EFEMP1: variants seen among roughly 807,000 people sequenced by gnomAD.
The protein encoded by EFEMP1 is EGF-containing fibulin-like extracellular matrix protein 1.
A neutral mutation model predicts 65.7 loss-of-function variants in EFEMP1; 18 were observed. The ratio of observed to expected loss-of-function variants is 0.27; its 90% CI spans 0.19 to 0.41. The LOEUF (loss-of-function observed/expected upper bound fraction) is 0.41. Ranked by LOEUF, EFEMP1 falls within the 10% of genes least tolerant of loss-of-function variation. The pLI, the probability that EFEMP1 is intolerant of heterozygous loss-of-function variation, is 1.00. For missense variants in EFEMP1, 469 were observed against 624.8 expected (o/e 0.75, Z 2.66); for synonymous variants, 237 against 219.7 (o/e 1.08, Z -0.70).
chr2:55,912,797 T>G (rs1670526843), intron 5 of EFEMP1, among the ~76,000 whole-genome samples: 1 of 152,150 alleles, frequency 6.6e-6, no homozygotes, highest in African/African-American at 2.4e-5. Context: ...TTTAGCAAAC[T>G]GAAAAATTTA....
chr2:55,884,870 T>G (rs1260640970), intron 5 of EFEMP1, among the ~76,000 whole-genome samples: 1 of 152,198 alleles, frequency 6.6e-6, no homozygotes, highest in East Asian at 1.9e-4. Context: ...TTCCCCCCTG[T>G]ATTCCCAGTG....
At chr2:55,912,868 A>T (rs895951916) in intron 5 of EFEMP1, among the ~76,000 whole-genome samples, 2 of 152,118 alleles carry the variant, frequency 1.3e-5, no homozygotes, top group African/African-American at 4.8e-5. Context: ...TGGGAATGTG[A>T]AAAGATTGCT....
At chr2:55,869,933 C>G (rs1475214240) in intron 11 of EFEMP1, among the ~76,000 whole-genome samples, 2 of 151,970 alleles carry the variant, frequency 1.3e-5, no homozygotes, top group Non-Finnish European at 2.9e-5. Context: ...TCAGGGAGAC[C>G]AGCTCAGAAG....
At position 55,875,016 on chromosome 2, in the gene EFEMP1, G is replaced by C. The variant is rs1163108498; in HGVS notation, c.930C>G (p.Val310=). ...TACATGAGAATTTCCCAGGTTCATT[G>C]ACACATTGATATTGACACAGGTAGC... ...TSSYLCQYQC[V]NEPGKFSCMC... Residue 310 remains valine (V), a synonymous_variant, in exon 9 of 12, where the codon GTC becomes GTG. Coordinates refer to ENST00000355426, the MANE Select transcript of EFEMP1 (RefSeq NM_001039348.3). 1 of 1,608,310 alleles carries C rather than the reference G, an allele frequency of 6.2e-7. No homozygotes were observed. Among genetic ancestry groups the C allele is most frequent in the Non-Finnish European group, 8.5e-7 (1 of 1,176,826 alleles).
rs1292524631 is a variant in EFEMP1 at position 55,922,452 on chromosome 2, A to T, written c.-7-5T>A. 2 of 1,612,404 alleles carry T rather than the reference A, an allele frequency of 1.2e-6. No individual in the cohort carries two copies. Among genetic ancestry groups the T allele is most frequent in the Non-Finnish European group, 1.7e-6 (2 of 1,178,718 alleles). The stretch of plus-strand genomic sequence containing the variant: ...AGGGCTTTCAACATTGTGAATCTCA[A>T]AGAAAATACAGGACAAACTAATGTT... On this transcript the variant is annotated splice_region_variant and splice_polypyrimidine_tract_variant and intron_variant, in intron 2 of 11. Transcript: ENST00000355426. The surrounding 1 kb of genome is among the most constrained non-coding windows in gnomAD (Gnocchi z 5.5).
At chr2:55,914,095 T>C (rs1670585684) in intron 5 of EFEMP1, among the ~76,000 whole-genome samples, 1 of 152,212 alleles carries the variant, frequency 6.6e-6, no homozygotes, top group African/African-American at 2.4e-5. Flanking sequence ...TCCCCATTCA[T>C]TCAACTTCTT....
At position 55,917,909 on chromosome 2, in the gene EFEMP1, T is replaced by C. The variant is rs770978738; in HGVS notation, c.273A>G (p.Ala91=). 9.9e-6 allele frequency: 16 copies of C among 1,614,120 alleles called. No individual in the cohort carries two copies. In the African/African-American group the frequency reaches 1.5e-4, roughly 15 times the overall value. The change falls in exon 5 of 12, where the codon GCA becomes GCG. Residue 91 remains alanine (A), a synonymous_variant. Coordinates refer to ENST00000355426, the MANE Select transcript of EFEMP1 (RefSeq NM_001039348.3). This position sits in a 1 kb window ranked among gnomAD's most constrained non-coding sequence, Gnocchi z 6.3. ...CGGTGGTTGCCCCTGAGGTTCCTTC[T>C]GCTGGTTGTGTTTCCTGCTGAGGCT... ...NEQPQQETQP[A]EGTSGATTGV... is the part of the protein sequence containing the mutation.
chr2:55,920,993 G>T (rs1205221714), intron 3 of EFEMP1, among the ~76,000 whole-genome samples: 2 of 152,186 alleles, frequency 1.3e-5, no homozygotes, highest in African/African-American at 4.8e-5. Context: ...AAACTATCAT[G>T]TTTAAGCCAC....
chr2:55,872,618 TC>T (rs1668855798), intron 9 of EFEMP1, among the ~76,000 whole-genome samples: 2 of 152,084 alleles, frequency 1.3e-5, no homozygotes, highest in Admixed American at 1.3e-4. Flanking sequence ...TCTAAATAAT[TC>T]ATGCCTTGAC....
intron 5 of EFEMP1, among the ~76,000 whole-genome samples, chr2:55,891,472 T>C (rs1267746314): frequency 1.3e-5 from 2 of 152,124 alleles, no homozygotes; most frequent in African/African-American, 2.4e-5. Flanking sequence ...AAACAGATGC[T>C]GCATCCACTC....
chr2:55,873,289 C>CA lies in EFEMP1; in HGVS notation c.1000+1656dup, dbSNP rs371513057. Among the ~76,000 whole-genome samples the CA allele has an allele frequency of 7.4e-4, 112 of 152,074 alleles. No individual in the cohort carries two copies. The highest frequency in any genetic ancestry group is 2.5e-3 in the African/African-American group (104 of 41,522). On this transcript the variant is annotated intron_variant, in intron 9 of 11. Transcript: ENST00000355426. This position sits in a 1 kb window ranked among gnomAD's most constrained non-coding sequence, Gnocchi z 4.6. ...TTAGAAGAATGCTAAGTCTTTTTCACAAAAAATGTTTTGGCTTAACCAAAC... is the reference window on the plus strand; with the variant it reads ...TTAGAAGAATGCTAAGTCTTTTTCACAAAAAAATGTTTTGGCTTAACCAAAC...
At chr2:55,920,800 G>A (rs958094983) in intron 3 of EFEMP1, among the ~76,000 whole-genome samples, 14 of 152,252 alleles carry the variant, frequency 9.2e-5, no homozygotes, top group Non-Finnish European at 2.1e-4. Flanking sequence ...ACACATTGCC[G>A]CAAGGATCAA....
rs17047287 is a variant in EFEMP1, at chr2:55,876,547, T to C, written c.880+76A>G. The C allele has an allele frequency of 0.14, 226,973 of 1,568,776 alleles. 18,904 individuals carry two copies. Among genetic ancestry groups the C allele is most frequent in the South Asian group, 0.29 (25,619 of 87,782 alleles). On this transcript the variant is annotated intron_variant, in intron 8 of 11. Transcript: ENST00000355426. ...ATGGGTAAGCGTTTGTTTTCATAAA[T>C]GGGTACATAATCAGATAAAACAACA...
rs1321141032 is a variant in EFEMP1, at chr2:55,866,533, T to G, written c.*540A>C. 1 of 153,208 alleles carries G rather than the reference T, an allele frequency of 6.5e-6. No homozygotes were observed. Among genetic ancestry groups the G allele is most frequent in the Non-Finnish European group, 1.5e-5 (1 of 68,466 alleles). The allele number at this position is 153,208 out of a possible 1,614,324, so 9.5% of individuals were successfully genotyped here. ...ACCAGCATATTGTACAGCAATGATTTATTACTATATAATAAACAACCACCT... is the reference window on the plus strand; with the variant it reads ...ACCAGCATATTGTACAGCAATGATTGATTACTATATAATAAACAACCACCT... On this transcript the variant is annotated 3_prime_UTR_variant, in exon 12 of 12. Coordinates refer to ENST00000355426, the MANE Select transcript of EFEMP1 (RefSeq NM_001039348.3).
chr2:55,910,912 C>G (rs7340147), intron 5 of EFEMP1, among the ~76,000 whole-genome samples: 1,993 of 152,220 alleles, frequency 0.013, 42 homozygotes, highest in African/African-American at 0.045. Flanking sequence ...ATCTCCTTCT[C>G]TTTTGTGGTT....
chr2:55,894,913 A>G (rs1669757813), intron 5 of EFEMP1, among the ~76,000 whole-genome samples: 1 of 152,202 alleles, frequency 6.6e-6, no homozygotes, highest in African/African-American at 2.4e-5. Flanking sequence ...ATCCTAGCCT[A>G]TCAATCATCA....
chr2:55,888,190 A>C lies in EFEMP1; in HGVS notation c.518-6456T>G, dbSNP rs375661021. 2.6e-5 allele frequency among the ~76,000 whole-genome samples: 4 copies of C among 152,358 alleles called. No homozygotes were observed. The South Asian group carries it at 6.2e-4, about 24-fold the overall frequency. ...TCTCATTCTTCAGCTGTTTTTGCCC[A>C]CTGGCAACATGAAGCTTATGCTTTC... On this transcript the variant is annotated intron_variant, in intron 5 of 11. Transcript: ENST00000355426.
At chr2:55,914,444 C>G (rs72811712) in intron 5 of EFEMP1, among the ~76,000 whole-genome samples, 1,997 of 152,186 alleles carry the variant, frequency 0.013, 43 homozygotes, top group African/African-American at 0.045. Flanking sequence ...TTTCATTAAA[C>G]AGTTAAATGG....
At position 55,871,247 on chromosome 2, in the gene EFEMP1, C is replaced by A; in HGVS notation, c.1001-124G>T. On this transcript the variant is annotated intron_variant, in intron 9 of 11. Coordinates refer to ENST00000355426, the MANE Select transcript of EFEMP1 (RefSeq NM_001039348.3). This position sits in a 1 kb window ranked among gnomAD's most constrained non-coding sequence, Gnocchi z 4.2. Reference sequence around the variant, plus strand: ...TGAGAGCATCTGGACTGTGTTCAACCTGCTTTTAGACACAAGACTGGGTGT... The same window carrying A: ...TGAGAGCATCTGGACTGTGTTCAACATGCTTTTAGACACAAGACTGGGTGT... The A allele has an allele frequency of 2.2e-6, 3 of 1,354,004 alleles. No homozygotes were observed. The highest frequency in any genetic ancestry group is 2.1e-6 in the Non-Finnish European group (2 of 966,348). The allele number at this position is 1,354,004 out of a possible 1,614,324, so 83.9% of individuals were successfully genotyped here.
Sources: gnomAD v4.1 joint callset for allele counts (sites outside exome capture counted in the v4.1 genomes callset) on GRCh38, gnomAD v4.1.1 for gene constraint, Gnocchi (gnomAD v3.1) non-coding constraint, MANE v1.5 for transcripts, NCBI Gene and HGNC (gene_info 2026-07-23, HGNC 2026-07-21) for gene names.